GPHN: variants seen among roughly 807,000 people sequenced by gnomAD.
GPHN encodes the protein gephyrin.
In GPHN, 17 loss-of-function variants were observed where a neutral mutation model predicts 95.5. The ratio of observed to expected loss-of-function variants is 0.18; its 90% CI spans 0.12 to 0.27. The LOEUF (loss-of-function observed/expected upper bound fraction) is 0.27. GPHN is among the 10% of genes least tolerant of loss of function. GPHN has a pLI of 1.00. For missense variants in GPHN, 660 were observed against 978.1 expected (o/e 0.67, Z 4.34); for synonymous variants, 320 against 322.5 (o/e 0.99, Z 0.08).
intron 4 of GPHN, 66 bp from the exon 5 acceptor site, chr14:66,879,873 T>C: frequency 1.0e-6 from 1 of 976,676 alleles, no homozygotes; most frequent in Non-Finnish European, 1.7e-6. Context: ...AAGTGGGTTT[T>C]ACTAGTCTGA....
At chr14:66,977,201 G>A (rs898031473) in intron 9 of GPHN, among the ~76,000 whole-genome samples, 1 of 152,134 alleles carries the variant, frequency 6.6e-6, no homozygotes, top group African/African-American at 2.4e-5. Context: ...GGAGGCCGAG[G>A]CGGATGGATC....
At chr14:67,235,654 G>A in the GPHN span, among the ~76,000 whole-genome samples, 58 of 152,092 alleles carry the variant, frequency 3.8e-4, no homozygotes, top group African/African-American at 1.3e-3. Flanking sequence ...GGCAGAGCTC[G>A]CAGTGAGTCG....
intron 1 of GPHN, among the ~76,000 whole-genome samples, chr14:66,521,819 C>G (rs1284608560): frequency 6.6e-6 from 1 of 152,076 alleles, no homozygotes; most frequent in Non-Finnish European, 1.5e-5. Flanking sequence ...ACATTCAGAC[C>G]ACAGCAGAGG....
At chr14:66,797,402 A>C (rs1319824709) in intron 3 of GPHN, among the ~76,000 whole-genome samples, 1 of 151,888 alleles carries the variant, frequency 6.6e-6, no homozygotes, top group Non-Finnish European at 1.5e-5. Flanking sequence ...GATTGTATTA[A>C]ATCTGTAGAT....
At chr14:67,680,539 C>G in the GPHN span, among the ~76,000 whole-genome samples, 1 of 152,158 alleles carries the variant, frequency 6.6e-6, no homozygotes, top group Non-Finnish European at 1.5e-5. Flanking sequence ...TCGCAGCTCA[C>G]TACAACCTCC....
chr14:66,859,064 C>T (rs916911668), intron 4 of GPHN, among the ~76,000 whole-genome samples: 1 of 152,162 alleles, frequency 6.6e-6, no homozygotes, highest in African/African-American at 2.4e-5. Flanking sequence ...TCTGGACCTA[C>T]CCTGGGCTGG....
chr14:66,699,366 TAAATA>T (rs1566835849), intron 2 of GPHN, among the ~76,000 whole-genome samples: 1 of 151,644 alleles, frequency 6.6e-6, no homozygotes, highest in Non-Finnish European at 1.5e-5. Flanking sequence ...TTAAAATAAA[TAAATA>T]AAAGAAAATA....
At chr14:66,889,992 C>T (rs1473462257) in intron 5 of GPHN, among the ~76,000 whole-genome samples, 2 of 152,060 alleles carry the variant, frequency 1.3e-5, no homozygotes, top group Non-Finnish European at 2.9e-5. Context: ...AATTACATGC[C>T]AACAAGTTGA....
the GPHN span, among the ~76,000 whole-genome samples, chr14:67,633,124 C>T: frequency 6.6e-6 from 1 of 152,042 alleles, no homozygotes; most frequent in Non-Finnish European, 1.5e-5. Context: ...CCGGCCAAGC[C>T]TCTTAATTTT....
intron 4 of GPHN, among the ~76,000 whole-genome samples, chr14:66,835,511 A>C (rs2061762492): frequency 6.6e-6 from 1 of 151,602 alleles, no homozygotes; most frequent in Non-Finnish European, 1.5e-5. Flanking sequence ...CAAAAACTGG[A>C]AGCATTCCCT....
intron 3 of GPHN, among the ~76,000 whole-genome samples, chr14:66,790,862 A>T (rs1422340790): frequency 6.6e-6 from 1 of 152,238 alleles, no homozygotes; most frequent in Non-Finnish European, 1.5e-5. Context: ...TTTGGGGAGA[A>T]AAAAGCTCTC....
chr14:67,094,990 T>C (rs2077294369), intron 12 of GPHN, among the ~76,000 whole-genome samples: 1 of 152,298 alleles, frequency 6.6e-6, no homozygotes, highest in Admixed American at 6.5e-5. Context: ...GGCTATACCA[T>C]CTAGGTTTGT....
At chr14:67,484,584 C>T in the GPHN span, among the ~76,000 whole-genome samples, 1 of 151,958 alleles carries the variant, frequency 6.6e-6, no homozygotes, top group Non-Finnish European at 1.5e-5. Flanking sequence ...TGTAGTCATC[C>T]GGATTCAATT....
At chr14:66,724,324 A>G (rs2071031354) in intron 2 of GPHN, among the ~76,000 whole-genome samples, 1 of 152,148 alleles carries the variant, frequency 6.6e-6, no homozygotes, top group African/African-American at 2.4e-5. Flanking sequence ...AATCATAAGT[A>G]GTATAATGGC....
intron 8 of GPHN, among the ~76,000 whole-genome samples, chr14:66,955,906 T>C (rs1040626292): frequency 3.9e-5 from 6 of 152,198 alleles, no homozygotes; most frequent in Non-Finnish European, 7.3e-5. Context: ...TATGGCTGCA[T>C]AGTATTCCAT....
Position 66,508,222 on chromosome 14 carries a change from G to T in GPHN, c.-306G>T, listed in dbSNP as rs2057864526. On this transcript the variant is annotated 5_prime_UTR_variant, in exon 1 of 23. Coordinates refer to ENST00000478722, the MANE Select transcript of GPHN (RefSeq NM_020806.5). ...GAGCGTTCCGACACTCTCCGGCCTCGTTCTGCCGCCTCCGCGCGCTCTCCC... is the reference window on the plus strand; with the variant it reads ...GAGCGTTCCGACACTCTCCGGCCTCTTTCTGCCGCCTCCGCGCGCTCTCCC... 1.9e-6 allele frequency: 1 copy of T among 535,222 alleles called. No homozygotes were observed. Among genetic ancestry groups the T allele is most frequent in the East Asian group, 3.3e-5 (1 of 30,626 alleles). 33.2% of individuals were successfully genotyped at this position (535,222 alleles called of 1,614,324 possible). A position where few individuals can be genotyped will look rare whatever the true frequency, so the allele number is the denominator to read the frequency against.
At chr14:67,056,893 C>G (rs560555599) in intron 10 of GPHN, among the ~76,000 whole-genome samples, 2 of 152,170 alleles carry the variant, frequency 1.3e-5, no homozygotes, top group South Asian at 4.1e-4. Context: ...AGCGAGAATT[C>G]GAGCGGGCGC....
intron 9 of GPHN, among the ~76,000 whole-genome samples, chr14:67,021,377 T>C (rs1487531264): frequency 6.6e-6 from 1 of 152,084 alleles, no homozygotes; most frequent in African/African-American, 2.4e-5. Flanking sequence ...TGATAAACGC[T>C]CAGATTCAGG....
At chr14:67,570,309 G>A in the GPHN span, 11,036 of 979,062 alleles carry the variant, frequency 0.011, 88 homozygotes, top group Non-Finnish European at 0.012. Flanking sequence ...GGTCCCAGAG[G>A]GCAGTGGGGC....
Sources: gnomAD v4.1 joint callset for allele counts (sites outside exome capture counted in the v4.1 genomes callset) on GRCh38, gnomAD v4.1.1 for gene constraint, MANE v1.5 for transcripts, NCBI Gene and HGNC (gene_info 2026-07-23, HGNC 2026-07-21) for gene names.